TAFA2: variants seen among roughly 807,000 people sequenced by gnomAD.
The protein encoded by TAFA2 is TAFA chemokine like family member 2.
Under a neutral mutation model 18.8 loss-of-function variants are expected in TAFA2, and 7 were observed. That is an observed-to-expected ratio of 0.37 (90% CI 0.21 to 0.70). The LOEUF (loss-of-function observed/expected upper bound fraction) is 0.70. TAFA2 is among the 30% of genes least tolerant of loss of function. The pLI, the probability that TAFA2 is intolerant of heterozygous loss-of-function variation, is 0.53. For missense variants in TAFA2, 122 were observed against 158.1 expected (o/e 0.77, Z 1.23); for synonymous variants, 60 against 54.2 (o/e 1.11, Z -0.47).
chr12:61,956,631 TAAA>T (rs34261945), intron 1 of TAFA2, among the ~76,000 whole-genome samples: 2 of 142,772 alleles, frequency 1.4e-5, no homozygotes, highest in Non-Finnish European at 3.1e-5. Flanking sequence ...TTTGTTTTGT[TAAA>T]AAAAAAAAAA....
At chr12:61,920,617 A>G (rs1047965405) in intron 1 of TAFA2, among the ~76,000 whole-genome samples, 5 of 152,150 alleles carry the variant, frequency 3.3e-5, no homozygotes, top group Non-Finnish European at 5.9e-5. Context: ...CAGTTCTCTG[A>G]GTAAGTCTTC....
intron 1 of TAFA2, among the ~76,000 whole-genome samples, chr12:62,115,729 A>G (rs1869934612): frequency 6.6e-6 from 1 of 152,144 alleles, no homozygotes; most frequent in African/African-American, 2.4e-5. Flanking sequence ...AGGAAGGAGA[A>G]AGTGAATCTG....
chr12:61,963,646 A>G (rs1878965986), intron 1 of TAFA2, among the ~76,000 whole-genome samples: 1 of 151,654 alleles, frequency 6.6e-6, no homozygotes. Flanking sequence ...GTAGATTGCC[A>G]TACTGCCCAA....
At chr12:61,741,548 A>G (rs747652992) in intron 4 of TAFA2, among the ~76,000 whole-genome samples, 63 of 152,254 alleles carry the variant, frequency 4.1e-4, no homozygotes, top group Non-Finnish European at 6.2e-4. Context: ...GACAAATTAT[A>G]GGTAAATTGC....
intron 1 of TAFA2, among the ~76,000 whole-genome samples, chr12:62,007,706 T>G (rs1880602458): frequency 6.6e-6 from 1 of 152,204 alleles, no homozygotes; most frequent in South Asian, 2.1e-4. Context: ...AAAGTTTTAC[T>G]TTCTTTTAAA....
intron 1 of TAFA2, among the ~76,000 whole-genome samples, chr12:62,012,650 A>G (rs528486665): frequency 6.6e-6 from 1 of 152,280 alleles, no homozygotes; most frequent in South Asian, 2.1e-4. Context: ...AAAGTACTCT[A>G]TGGAAGAAAA....
chr12:62,011,531 A>G (rs1006674672), intron 1 of TAFA2, among the ~76,000 whole-genome samples: 9 of 152,064 alleles, frequency 5.9e-5, no homozygotes, highest in Non-Finnish European at 1.3e-4. Context: ...TGCTTTGTTA[A>G]ACAGATGCTT....
chr12:61,898,313 C>T (rs900396098), intron 1 of TAFA2, among the ~76,000 whole-genome samples: 2 of 152,210 alleles, frequency 1.3e-5, no homozygotes, highest in African/African-American at 4.8e-5. Context: ...GCCCTCTTCT[C>T]ACAGCTCCAC....
intron 1 of TAFA2, among the ~76,000 whole-genome samples, chr12:61,966,286 G>T (rs780254829): frequency 6.6e-6 from 1 of 151,938 alleles, no homozygotes; most frequent in Non-Finnish European, 1.5e-5. Flanking sequence ...GGCAGGTTTG[G>T]TTGTCTGGTG....
intron 1 of TAFA2, among the ~76,000 whole-genome samples, chr12:62,152,048 G>A (rs538134383): frequency 6.6e-6 from 1 of 152,232 alleles, no homozygotes; most frequent in Non-Finnish European, 1.5e-5. Context: ...GAAACAGCAG[G>A]CCCATCTGTA....
intron 1 of TAFA2, among the ~76,000 whole-genome samples, chr12:62,100,872 G>A (rs572080275): frequency 6.6e-6 from 1 of 152,274 alleles, no homozygotes; most frequent in African/African-American, 2.4e-5. Flanking sequence ...GGTATTATTG[G>A]ATTCCCATGG....
chr12:61,838,462 T>A (rs1220845549), intron 2 of TAFA2, among the ~76,000 whole-genome samples: 1 of 151,948 alleles, frequency 6.6e-6, no homozygotes, highest in African/African-American at 2.4e-5. Flanking sequence ...ACAATGTATG[T>A]CAAGGCTAAA....
upstream of TAFA2, chr12:62,259,070 T>G (rs991664382): frequency 6.5e-6 from 1 of 153,606 alleles, no homozygotes; most frequent in African/African-American, 2.4e-5. Flanking sequence ...ATACACTACT[T>G]TCACTTGGAT....
At chr12:62,021,635 G>A (rs1881143844) in intron 1 of TAFA2, 1 of 1,158,396 alleles carries the variant, frequency 8.6e-7, no homozygotes, top group South Asian at 1.2e-5. Context: ...TCTGAGATGG[G>A]GTGGTGTGCA....
At chr12:61,983,383 G>GTTTTGT (rs10657709) in intron 1 of TAFA2, among the ~76,000 whole-genome samples, 1 of 146,642 alleles carries the variant, frequency 6.8e-6, no homozygotes, top group Non-Finnish European at 1.5e-5. Flanking sequence ...CTGGGATTCT[G>GTTTTGT]TTTGTTTTGT....
At chr12:61,990,489 G>A (rs1289453219) in intron 1 of TAFA2, among the ~76,000 whole-genome samples, 4 of 151,754 alleles carry the variant, frequency 2.6e-5, no homozygotes, top group African/African-American at 7.3e-5. Context: ...ACAGGTGCCC[G>A]CCACCACGTC....
At chr12:62,176,580 A>G (rs2136946690) in intron 1 of TAFA2, among the ~76,000 whole-genome samples, 2 of 152,312 alleles carry the variant, frequency 1.3e-5, no homozygotes, top group South Asian at 4.1e-4. Flanking sequence ...TAAATATTTG[A>G]GTACATAACA....
At chr12:61,726,419 T>C (rs1870170240) in intron 4 of TAFA2, among the ~76,000 whole-genome samples, 1 of 152,062 alleles carries the variant, frequency 6.6e-6, no homozygotes. Context: ...TTCAGCAGTG[T>C]TTTGTAGCTT....
At position 62,011,619 on chromosome 12, in the gene TAFA2, G is replaced by A. The variant is rs530279673; in HGVS notation, c.-1-144193C>T. 1.5e-3 allele frequency among the ~76,000 whole-genome samples: 221 copies of A among 152,112 alleles called. 1 individual carries two copies. The South Asian group carries it at 0.016, about 11-fold the overall frequency. ...AGGGACACAAACACTGTGGAAGGCC[G>A]CAGGGACCTCTGCCTAGGAAAACCA... On this transcript the variant is annotated intron_variant, in intron 1 of 4. Transcript: ENST00000416284.
Sources: allele counts gnomAD v4.1 joint callset (sites outside exome capture counted in the v4.1 genomes callset), GRCh38; gene constraint gnomAD v4.1.1; transcripts MANE v1.5; gene names NCBI Gene and HGNC (gene_info 2026-07-23, HGNC 2026-07-21).